ERC2: variants seen among roughly 807,000 people sequenced by gnomAD.
ERC2 encodes ELKS/RAB6-interacting/CAST family member 2.
A neutral mutation model predicts 114.8 loss-of-function variants in ERC2; 42 were observed. That is an observed-to-expected ratio of 0.37 (90% CI 0.29 to 0.47). ERC2 has a LOEUF of 0.47. ERC2 is among the 20% of genes least tolerant of loss of function. The pLI is 0.99. For missense variants in ERC2, 939 were observed against 1,150.7 expected, an observed-to-expected ratio of 0.82 and a Z score of 2.66; for synonymous variants, 454 against 425.5, an observed-to-expected ratio of 1.07 and a Z score of -0.82.
intron 13 of ERC2, among the ~76,000 whole-genome samples, chr3:55,909,594 G>A (rs2064680109): frequency 6.6e-6 from 1 of 152,040 alleles, no homozygotes; most frequent in African/African-American, 2.4e-5. Context: ...GCAGAGGACT[G>A]AAACCTAAGG....
At chr3:56,270,624 T>C (rs1005636716) in intron 3 of ERC2, among the ~76,000 whole-genome samples, 1 of 152,206 alleles carries the variant, frequency 6.6e-6, no homozygotes, top group African/African-American at 2.4e-5. Context: ...TCATTTATAA[T>C]TTTTTCATTT....
At chr3:56,279,433 G>T (rs958177374) in intron 3 of ERC2, among the ~76,000 whole-genome samples, 2 of 152,192 alleles carry the variant, frequency 1.3e-5, no homozygotes, top group African/African-American at 2.4e-5. Flanking sequence ...AAACACCTGG[G>T]CTGAATATTG....
chr3:56,136,842 C>T lies in ERC2; in HGVS notation c.1473+2667G>A, dbSNP rs550210460. On this transcript the variant is annotated intron_variant, in intron 6 of 17. Transcript: ENST00000288221. ...AAAAGGCAAAAGAAAATTCCTCAGC[C>T]GTTTCCAGCTGATAAAATCAGTAAT... 3.9e-5 allele frequency among the ~76,000 whole-genome samples: 6 copies of T among 152,290 alleles called. No homozygotes were observed. The East Asian group carries it at 1.2e-3, about 29-fold the overall frequency.
At chr3:55,698,520 C>A (rs1340927964) in intron 16 of ERC2, among the ~76,000 whole-genome samples, 1 of 152,118 alleles carries the variant, frequency 6.6e-6, no homozygotes, top group Non-Finnish European at 1.5e-5. Flanking sequence ...AACCCCTCAC[C>A]CTGCCATATC....
intron 6 of ERC2, among the ~76,000 whole-genome samples, chr3:56,134,425 G>T (rs926106327): frequency 6.6e-6 from 1 of 152,098 alleles, no homozygotes; most frequent in Non-Finnish European, 1.5e-5. Context: ...AAAAGTATGT[G>T]TTAAATGAAA....
intron 17 of ERC2, chr3:55,647,215 T>G (rs753278723): frequency 6.8e-6 from 1 of 147,978 alleles, no homozygotes; most frequent in African/African-American, 2.7e-5. Context: ...AATCCCCGCC[T>G]CCCGATGAAC....
intron 14 of ERC2, among the ~76,000 whole-genome samples, chr3:55,812,156 C>T (rs926292146): frequency 2.0e-5 from 3 of 152,176 alleles, no homozygotes; most frequent in Admixed American, 1.3e-4. Context: ...ATAATAATTG[C>T]CTATTTCTTT....
chr3:55,671,334 C>T (rs947703134), intron 17 of ERC2, among the ~76,000 whole-genome samples: 2 of 152,050 alleles, frequency 1.3e-5, no homozygotes, highest in East Asian at 1.9e-4. Context: ...AATCTATGAA[C>T]ATTTGTTTTC....
chr3:56,116,268 A>G (rs1440187111), intron 6 of ERC2, among the ~76,000 whole-genome samples: 1 of 152,226 alleles, frequency 6.6e-6, no homozygotes, highest in Admixed American at 6.5e-5. Context: ...CTAAACAAGT[A>G]TAGCCCAGAA....
intron 17 of ERC2, among the ~76,000 whole-genome samples, chr3:55,673,266 C>T (rs2061637505): frequency 6.6e-6 from 1 of 152,172 alleles, no homozygotes; most frequent in Non-Finnish European, 1.5e-5. Flanking sequence ...CATGAGTTTC[C>T]CAATGTGTCA....
rs931865082 is a variant in ERC2 at position 55,655,546 on chromosome 3, C to T, written c.*39+28248G>A. On this transcript the variant is annotated intron_variant, in intron 17 of 17. Transcript: ENST00000288221. ...TATGGCTATACTGAGCTTGCATTCC[C>T]TTATGGCATGTGGGGCTGAAGCTGA... 3.3e-5 allele frequency among the ~76,000 whole-genome samples: 5 copies of T among 152,164 alleles called. No individual in the cohort carries two copies. The East Asian group carries it at 9.6e-4, about 29-fold the overall frequency.
At chr3:56,270,293 C>T (rs749268118) in intron 3 of ERC2, among the ~76,000 whole-genome samples, 2 of 152,138 alleles carry the variant, frequency 1.3e-5, no homozygotes, top group Non-Finnish European at 2.9e-5. Flanking sequence ...AATGATCAAA[C>T]CTGAAGAATT....
chr3:56,438,112 T>C (rs1404318850), intron 1 of ERC2, among the ~76,000 whole-genome samples: 5 of 152,202 alleles, frequency 3.3e-5, no homozygotes, highest in Admixed American at 6.5e-5. Context: ...AACATAGAAA[T>C]TGACCTCCCA....
intron 1 of ERC2, among the ~76,000 whole-genome samples, chr3:56,452,176 A>G (rs1396507347): frequency 6.6e-6 from 1 of 152,234 alleles, no homozygotes; most frequent in African/African-American, 2.4e-5. Context: ...TTGAATATCA[A>G]GCTGTACCCT....
chr3:56,172,663 C>A (rs752119898), intron 4 of ERC2, among the ~76,000 whole-genome samples: 6 of 152,146 alleles, frequency 3.9e-5, no homozygotes, highest in Non-Finnish European at 7.4e-5. Context: ...CACATTAAAT[C>A]AAGAATTATT....
chr3:56,058,854 T>TTTTC (rs780631156), intron 7 of ERC2, among the ~76,000 whole-genome samples: 12 of 152,240 alleles, frequency 7.9e-5, no homozygotes, highest in African/African-American at 2.2e-4. Flanking sequence ...AAACAAATCT[T>TTTTC]TTTCTTTCTT....
At chr3:56,390,765 T>C (rs2060099535) in intron 2 of ERC2, among the ~76,000 whole-genome samples, 1 of 152,152 alleles carries the variant, frequency 6.6e-6, no homozygotes, top group Non-Finnish European at 1.5e-5. Flanking sequence ...CCTGGCCTAA[T>C]GAAGGGGTTG....
Position 55,888,489 on chromosome 3 carries a change from G to A in ERC2, c.2464C>T (p.Arg822Cys), listed in dbSNP as rs746883356. 9.3e-6 allele frequency: 15 copies of A among 1,613,768 alleles called. No individual in the cohort carries two copies. The highest frequency in any genetic ancestry group is 1.1e-5 in the Non-Finnish European group (13 of 1,179,852). Residue 822 changes from arginine to cysteine, a missense_variant, in exon 14 of 18, where the codon CGC becomes TGC. Transcript: ENST00000288221. ...TRQELDATKARLASTQQSLAE... is the reference protein window; with the variant it reads ...TRQELDATKACLASTQQSLAE... ...AGGGACTGTTGTGTGGAGGCGAGGC[G>A]TGCTTTGGTGGCATCCAGTTCCTGT...
chr3:55,779,327 CAAAA>C (rs60185894), intron 14 of ERC2, among the ~76,000 whole-genome samples: 3,375 of 62,390 alleles, frequency 0.054, 44 homozygotes, highest in South Asian at 0.13. Context: ...ACTAAAAATA[CAAAA>C]AAAAAAAAAA....
Sources: allele counts gnomAD v4.1 joint callset (sites outside exome capture counted in the v4.1 genomes callset), GRCh38; gene constraint gnomAD v4.1.1; transcripts MANE v1.5; gene names NCBI Gene and HGNC (gene_info 2026-07-23, HGNC 2026-07-21).